CDH13: variants seen among roughly 807,000 people sequenced by gnomAD.
CDH13 encodes the protein cadherin 13, also known as cadherin-13.
CDH13 carries 24 observed loss-of-function variants against 63.8 expected under a neutral mutation model. The ratio of observed to expected loss-of-function variants is 0.38; its 90% CI spans 0.27 to 0.53. CDH13 has a LOEUF of 0.53. Ranked by LOEUF, CDH13 falls within the 20% of genes least tolerant of loss-of-function variation. CDH13 has a pLI of 0.85. For synonymous variants in CDH13, 503 were observed against 355.3 expected, an observed-to-expected ratio of 1.42 and a Z score of -4.67; for missense variants, 1,049 against 903.1, an observed-to-expected ratio of 1.16 and a Z score of -2.07.
At chr16:83,653,974 T>A (rs1380981450) in intron 8 of CDH13, among the ~76,000 whole-genome samples, 10 of 152,070 alleles carry the variant, frequency 6.6e-5, no homozygotes. Flanking sequence ...AACGAGTGGC[T>A]AGGAACACAC....
intron 5 of CDH13, among the ~76,000 whole-genome samples, chr16:83,324,693 A>C (rs886437182): frequency 6.6e-6 from 1 of 152,236 alleles, no homozygotes; most frequent in Non-Finnish European, 1.5e-5. Context: ...ATTATGAATA[A>C]TACTACTTTA....
At chr16:82,841,548 A>G (rs1597768608) in intron 1 of CDH13, among the ~76,000 whole-genome samples, 1 of 152,290 alleles carries the variant, frequency 6.6e-6, no homozygotes, top group Admixed American at 6.5e-5. Context: ...TTTAAATAAC[A>G]CACAGCCATG....
At chr16:83,069,881 G>A (rs2032307645) in intron 3 of CDH13, among the ~76,000 whole-genome samples, 1 of 152,296 alleles carries the variant, frequency 6.6e-6, no homozygotes, top group Admixed American at 6.5e-5. Flanking sequence ...TGAACTAAAT[G>A]TTGATTCTTG....
At chr16:83,308,629 G>A (rs723919) in intron 5 of CDH13, among the ~76,000 whole-genome samples, 66,954 of 152,104 alleles carry the variant, frequency 0.44, 15,396 homozygotes, top group Non-Finnish European at 0.51. Flanking sequence ...TTATGGCACA[G>A]ATCCATGGAA....
At chr16:82,946,209 T>A (rs1904698334) in intron 2 of CDH13, among the ~76,000 whole-genome samples, 1 of 150,850 alleles carries the variant, frequency 6.6e-6, no homozygotes, top group African/African-American at 2.4e-5. Context: ...GATGGATGGA[T>A]ACATGGATGA....
intron 7 of CDH13, among the ~76,000 whole-genome samples, chr16:83,518,464 T>G (rs1368333310): frequency 7.7e-6 from 1 of 130,314 alleles, no homozygotes; most frequent in African/African-American, 3.1e-5. Context: ...TGGGTTTTTT[T>G]TTGTTTTTTG....
At position 83,286,620 on chromosome 16, in the gene CDH13, G is replaced by A. The variant is rs1473305979; in HGVS notation, c.637-58242G>A. On this transcript the variant is annotated intron_variant, in intron 5 of 13. Coordinates refer to ENST00000567109, the MANE Select transcript of CDH13 (RefSeq NM_001257.5). ...AAATATAAAAAATTAGCCAGGCATG[G>A]CAGCATGCGCTGGTAGTCCCAGCTA... Among the ~76,000 whole-genome samples, 4 of 151,950 alleles carry A rather than the reference G, an allele frequency of 2.6e-5. No homozygotes were observed. The East Asian group carries it at 7.7e-4, about 29-fold the overall frequency.
chr16:82,770,029 G>A (rs1350977587), intron 1 of CDH13, among the ~76,000 whole-genome samples: 3 of 152,198 alleles, frequency 2.0e-5, no homozygotes, highest in Non-Finnish European at 4.4e-5. Flanking sequence ...CCACCCAGCT[G>A]CTGTCCCCAG....
At chr16:83,633,966 G>A (rs1297291915) in intron 8 of CDH13, among the ~76,000 whole-genome samples, 1 of 152,110 alleles carries the variant, frequency 6.6e-6, no homozygotes, top group African/African-American at 2.4e-5. Context: ...TGCAAAAATA[G>A]TGCCAGAAGC....
At chr16:82,988,622 A>G (rs1214077308) in intron 2 of CDH13, among the ~76,000 whole-genome samples, 2 of 151,990 alleles carry the variant, frequency 1.3e-5, no homozygotes, top group Non-Finnish European at 2.9e-5. Context: ...TTAGCTGGGC[A>G]TGTTGGTGGG....
chr16:83,106,689 G>T (rs1342504716), intron 3 of CDH13, among the ~76,000 whole-genome samples: 1 of 152,170 alleles, frequency 6.6e-6, no homozygotes, highest in Non-Finnish European at 1.5e-5. Context: ...GAAAACTTGG[G>T]AAGTATCATT....
intron 1 of CDH13, among the ~76,000 whole-genome samples, chr16:82,782,563 A>AT (rs1046080348): frequency 7.3e-5 from 11 of 151,618 alleles, no homozygotes; most frequent in Middle Eastern, 3.4e-3. Flanking sequence ...AAAAAAAAAA[A>AT]AAATAATAAT....
intron 7 of CDH13, among the ~76,000 whole-genome samples, chr16:83,495,223 T>C (rs1384583371): frequency 6.6e-6 from 1 of 152,202 alleles, no homozygotes. Context: ...TAGGGGGACA[T>C]AAGCCATTAA....
At chr16:83,456,010 C>G (rs1366758489) in intron 6 of CDH13, among the ~76,000 whole-genome samples, 1 of 152,226 alleles carries the variant, frequency 6.6e-6, no homozygotes, top group Admixed American at 6.5e-5. Context: ...TGCTGTTACC[C>G]TGCTGTCTGT....
intron 2 of CDH13, among the ~76,000 whole-genome samples, chr16:82,888,688 G>T (rs750405497): frequency 1.1e-4 from 16 of 152,212 alleles, no homozygotes; most frequent in African/African-American, 2.7e-4. Flanking sequence ...AGTTTCTTCT[G>T]TTCCTGAATG....
rs190809407 is a variant in CDH13 at position 83,387,810 on chromosome 16, T to A, written c.781+42804T>A. The stretch of plus-strand genomic sequence containing the variant: ...TCCTACAGCAGTCCCCCTGGCACTT[T>A]CCCCTTGCTGTCTCTTTCTTTGCCT... On this transcript the variant is annotated intron_variant, in intron 6 of 13. Transcript: ENST00000567109. Among the ~76,000 whole-genome samples, 200 of 152,290 alleles carry A rather than the reference T, an allele frequency of 1.3e-3. 2 individuals carry two copies. The highest frequency in any genetic ancestry group is 4.4e-3 in the African/African-American group (184 of 41,578).
intron 2 of CDH13, among the ~76,000 whole-genome samples, chr16:82,986,805 G>T (rs1910997943): frequency 1.3e-5 from 2 of 152,200 alleles, no homozygotes; most frequent in African/African-American, 4.8e-5. Context: ...AATGGGTGAA[G>T]AATTGAGACC....
At chr16:83,393,327 G>A (rs10871271) in intron 6 of CDH13, among the ~76,000 whole-genome samples, 89,306 of 151,994 alleles carry the variant, frequency 0.59, 28,807 homozygotes, top group East Asian at 0.76. Flanking sequence ...CTGTGGGAAC[G>A]TGCAGTTACT....
intron 4 of CDH13, among the ~76,000 whole-genome samples, chr16:83,137,690 AG>A (rs2036353304): frequency 6.6e-6 from 1 of 152,166 alleles, no homozygotes; most frequent in African/African-American, 2.4e-5. Context: ...CTCAGTGATG[AG>A]GCCGCAGCTG....
Sources: allele counts gnomAD v4.1 joint callset (sites outside exome capture counted in the v4.1 genomes callset), GRCh38; gene constraint gnomAD v4.1.1; transcripts MANE v1.5; gene names NCBI Gene and HGNC (gene_info 2026-07-23, HGNC 2026-07-21).